MB21D2: variants seen among roughly 807,000 people sequenced by gnomAD.
MB21D2 encodes Mab-21 domain containing 2.
A neutral mutation model predicts 33.3 loss-of-function variants in MB21D2; 9 were observed. The observed-to-expected ratio is 0.27, with a 90% CI of 0.16 to 0.47. The LOEUF (loss-of-function observed/expected upper bound fraction) is 0.47. MB21D2 is among the 20% of genes least tolerant of loss of function. MB21D2 has a pLI of 0.99. For synonymous variants in MB21D2, 241 were observed against 236.3 expected, an observed-to-expected ratio of 1.02 and a Z score of -0.18; for missense variants, 540 against 624.6, an observed-to-expected ratio of 0.86 and a Z score of 1.44.
At chr3:192,861,376 A>T (rs1366300932) in intron 1 of MB21D2, among the ~76,000 whole-genome samples, 1 of 152,222 alleles carries the variant, frequency 6.6e-6, no homozygotes, top group Non-Finnish European at 1.5e-5. Context: ...GGTATGAGAG[A>T]GCTGCATCCT....
chr3:192,814,242 C>T (rs1711858756), intron 1 of MB21D2, among the ~76,000 whole-genome samples: 1 of 152,010 alleles, frequency 6.6e-6, no homozygotes, highest in Non-Finnish European at 1.5e-5. Flanking sequence ...CAGCTACACC[C>T]ATCCCTGTAA....
chr3:192,828,591 CA>C (rs34112896), intron 1 of MB21D2, among the ~76,000 whole-genome samples: 1,738 of 54,120 alleles, frequency 0.032, 215 homozygotes, highest in Middle Eastern at 0.077. Flanking sequence ...TCACCCCCCC[CA>C]TATATATATA....
At position 192,796,933 on chromosome 3, in the gene MB21D2, A is replaced by G. The variant is rs1413026467; in HGVS notation, c.*1453T>C. On this transcript the variant is annotated 3_prime_UTR_variant, in exon 2 of 2. Coordinates refer to ENST00000392452, the MANE Select transcript of MB21D2 (RefSeq NM_178496.4). Reference sequence around the variant, plus strand: ...TTTCCATGCAAAAACCCAAGATCGCATATGTCTGATTTCAATTGGCCAAAA... The same window carrying G: ...TTTCCATGCAAAAACCCAAGATCGCGTATGTCTGATTTCAATTGGCCAAAA... 6.6e-6 allele frequency: 1 copy of G among 152,652 alleles called. No individual in the cohort carries two copies. The highest frequency in any genetic ancestry group is 1.5e-5 in the Non-Finnish European group (1 of 68,040). 9.5% of individuals were successfully genotyped at this position (152,652 alleles called of 1,614,324 possible).
chr3:192,842,248 T>TG (rs1412615088), intron 1 of MB21D2, among the ~76,000 whole-genome samples: 8 of 152,210 alleles, frequency 5.3e-5, no homozygotes, highest in African/African-American at 1.9e-4. Flanking sequence ...GGCAGGAACA[T>TG]GGTCTACCAC....
chr3:192,805,895 C>T (rs1711650916), intron 1 of MB21D2, among the ~76,000 whole-genome samples: 1 of 152,226 alleles, frequency 6.6e-6, no homozygotes, highest in South Asian at 2.1e-4. Context: ...AACACAGATT[C>T]CACGGAGTTA....
In MB21D2 at chr3:192,917,844, A is replaced by C; in HGVS notation, c.-4T>G. The C allele has an allele frequency of 6.2e-7, 1 of 1,606,478 alleles. No homozygotes were observed. Among genetic ancestry groups the C allele is most frequent in the Non-Finnish European group, 8.5e-7 (1 of 1,176,274 alleles). Reference sequence around the variant, plus strand: ...CGGTGGGAGCCGCCATCTTCATGCAAAACGCGCCGAGTAGCAGCTCCGCGG... The same window carrying C: ...CGGTGGGAGCCGCCATCTTCATGCACAACGCGCCGAGTAGCAGCTCCGCGG... On this transcript the variant is annotated 5_prime_UTR_variant, in exon 1 of 2. Coordinates refer to ENST00000392452, the MANE Select transcript of MB21D2 (RefSeq NM_178496.4).
intron 1 of MB21D2, among the ~76,000 whole-genome samples, chr3:192,852,609 A>C (rs536176189): frequency 1.3e-5 from 2 of 152,370 alleles, no homozygotes; most frequent in African/African-American, 4.8e-5. Flanking sequence ...AGTTTCTTGC[A>C]TCCTTTTGAA....
chr3:192,812,041 T>C (rs192429935), intron 1 of MB21D2, among the ~76,000 whole-genome samples: 33 of 151,732 alleles, frequency 2.2e-4, no homozygotes, highest in African/African-American at 6.0e-4. Context: ...GCGTGTTTTG[T>C]TTTTTTTGCT....
chr3:192,911,907 T>C (rs1210333747), intron 1 of MB21D2, among the ~76,000 whole-genome samples: 1 of 152,182 alleles, frequency 6.6e-6, no homozygotes, highest in Non-Finnish European at 1.5e-5. Context: ...ACATAGTGAA[T>C]ACAACTCTCG....
rs57320648 is a variant in MB21D2, at chr3:192,870,699, G to GAAAAAAA, written c.211+46924_211+46930dup. Among the ~76,000 whole-genome samples, 133 of 41,652 alleles carry GAAAAAAA rather than the reference G, an allele frequency of 3.2e-3. 19 individuals carry two copies. Among genetic ancestry groups the GAAAAAAA allele is most frequent in the African/African-American group, 0.011 (105 of 9,200 alleles). The allele number at this position is 41,652 out of a possible 152,430, so 27.3% of individuals were successfully genotyped here. A position where few individuals can be genotyped will look rare whatever the true frequency, so the allele number is the denominator to read the frequency against. On this transcript the variant is annotated intron_variant, in intron 1 of 1. Coordinates refer to ENST00000392452, the MANE Select transcript of MB21D2 (RefSeq NM_178496.4). Reference sequence around the variant, plus strand: ...GCACTCCAGCCTGGGCGACTCCGTTGAAAAAAAAAAAAAAAAAAAAGGAAG... The same window carrying GAAAAAAA: ...GCACTCCAGCCTGGGCGACTCCGTTGAAAAAAAAAAAAAAAAAAAAAAAAAAAGGAAG...
chr3:192,858,321 T>C (rs1225787836), intron 1 of MB21D2, among the ~76,000 whole-genome samples: 2 of 152,208 alleles, frequency 1.3e-5, no homozygotes, highest in Non-Finnish European at 2.9e-5. Context: ...GTCTCATGGA[T>C]GGGGCTCCCA....
intron 1 of MB21D2, among the ~76,000 whole-genome samples, chr3:192,902,478 T>C (rs931452726): frequency 3.3e-5 from 5 of 152,184 alleles, no homozygotes; most frequent in Admixed American, 1.3e-4. Context: ...GAGGATTAAA[T>C]GGATTAATAA....
chr3:192,908,743 T>C (rs958966344), intron 1 of MB21D2, among the ~76,000 whole-genome samples: 3 of 151,784 alleles, frequency 2.0e-5, no homozygotes, highest in South Asian at 4.2e-4. Flanking sequence ...CAAAGACATA[T>C]AGGAAGGCTT....
chr3:192,879,342 G>GA (rs1713509720), intron 1 of MB21D2, among the ~76,000 whole-genome samples: 1 of 152,244 alleles, frequency 6.6e-6, no homozygotes, highest in Admixed American at 6.5e-5. Flanking sequence ...GCCTTGAAGT[G>GA]AAGAGTGAAG....
rs766352113 is a variant in MB21D2, at chr3:192,917,788, T to A, written c.53A>T (p.Asn18Ile). 3 of 1,613,374 alleles carry A rather than the reference T, an allele frequency of 1.9e-6. No individual in the cohort carries two copies. Among genetic ancestry groups the A allele is most frequent in the Admixed American group, 3.3e-5 (2 of 60,014 alleles). The change falls in exon 1 of 2, where the codon AAC becomes ATC. Residue 18 changes from asparagine (N) to isoleucine (I), a missense_variant. Transcript: ENST00000392452. ...ATCCAGCTCCGGGAACGCAGGCTTG[T>A]TGTTACAGCCCAGGGAGGCTGCCTT... is the stretch of plus-strand genomic sequence containing the variant. Reference protein sequence around the residue: ...ANKAASLGCNNKPAFPELDFR... With the variant: ...ANKAASLGCNIKPAFPELDFR...
intron 1 of MB21D2, among the ~76,000 whole-genome samples, chr3:192,887,588 G>T (rs1265318929): frequency 6.6e-6 from 1 of 151,996 alleles, no homozygotes; most frequent in African/African-American, 2.4e-5. Context: ...GTGGGGTAGA[G>T]GTTACAGAAA....
At chr3:192,836,562 G>A (rs115364772) in intron 1 of MB21D2, among the ~76,000 whole-genome samples, 3,082 of 152,322 alleles carry the variant, frequency 0.02, 53 homozygotes, top group African/African-American at 0.031. Flanking sequence ...CACAAACACA[G>A]AAGGCGGCCA....
At chr3:192,859,538 C>G (rs1021978283) in intron 1 of MB21D2, among the ~76,000 whole-genome samples, 2 of 152,162 alleles carry the variant, frequency 1.3e-5, no homozygotes, top group African/African-American at 2.4e-5. Context: ...CATCTAACAT[C>G]CTACATGCAC....
chr3:192,822,290 A>T (rs1487854972), intron 1 of MB21D2, among the ~76,000 whole-genome samples: 1 of 152,178 alleles, frequency 6.6e-6, no homozygotes, highest in Non-Finnish European at 1.5e-5. Context: ...TACATTGGAG[A>T]GTCACTTACA....
Sources: allele counts gnomAD v4.1 joint callset (sites outside exome capture counted in the v4.1 genomes callset), GRCh38; gene constraint gnomAD v4.1.1; transcripts MANE v1.5; gene names NCBI Gene and HGNC (gene_info 2026-07-23, HGNC 2026-07-21).